Variants in RGS7 observed in about 807,000 individuals in gnomAD.
The protein encoded by RGS7 is regulator of G protein signaling 7, also known as regulator of G-protein signaling 7.
Under a neutral mutation model 81.1 loss-of-function variants are expected in RGS7, and 27 were observed. That is an observed-to-expected ratio of 0.33 (90% CI 0.25 to 0.46). The LOEUF (loss-of-function observed/expected upper bound fraction) is 0.46, where lower values mean the gene tolerates loss of function less well. RGS7 is among the 20% of genes least tolerant of loss of function. The pLI is 1.00. For missense variants in RGS7, 396 were observed against 607.4 expected (o/e 0.65, Z 3.66); for synonymous variants, 208 against 207.7 (o/e 1.00, Z -0.01).
intron 2 of RGS7, among the ~76,000 whole-genome samples, chr1:241,136,664 A>G (rs1314649264): frequency 6.6e-6 from 1 of 152,238 alleles, no homozygotes; most frequent in Non-Finnish European, 1.5e-5. Context: ...TCTTTTGCAG[A>G]GAACAAAGAA....
At chr1:240,849,902 C>G (rs936338074) in intron 9 of RGS7, among the ~76,000 whole-genome samples, 7 of 152,192 alleles carry the variant, frequency 4.6e-5, no homozygotes, top group African/African-American at 1.7e-4. Flanking sequence ...ACCAACCTAA[C>G]AGAGTAATGT....
intron 3 of RGS7, among the ~76,000 whole-genome samples, chr1:241,053,521 CTG>C (rs1387679435): frequency 5.3e-5 from 8 of 152,274 alleles, no homozygotes; most frequent in Non-Finnish European, 7.3e-5. Flanking sequence ...TAATATGACA[CTG>C]TGTCATTTGA....
At chr1:240,863,216 AT>A (rs1356547680) in intron 9 of RGS7, among the ~76,000 whole-genome samples, 1 of 152,136 alleles carries the variant, frequency 6.6e-6, no homozygotes, top group East Asian at 1.9e-4. Context: ...GCTCATGCCT[AT>A]AATCCCAGCA....
At chr1:240,896,162 C>T (rs1463814502) in intron 6 of RGS7, among the ~76,000 whole-genome samples, 1 of 152,122 alleles carries the variant, frequency 6.6e-6, no homozygotes, top group Non-Finnish European at 1.5e-5. Context: ...TGTTTAAGTT[C>T]TTCATAGATT....
At chr1:241,293,257 A>G (rs1573537743) in intron 2 of RGS7, among the ~76,000 whole-genome samples, 1 of 152,242 alleles carries the variant, frequency 6.6e-6, no homozygotes, top group Non-Finnish European at 1.5e-5. Flanking sequence ...AGTGTAGCAC[A>G]TACAATTACA....
chr1:240,819,285 CAG>C (rs1288206545), intron 10 of RGS7, among the ~76,000 whole-genome samples: 1 of 151,994 alleles, frequency 6.6e-6, no homozygotes, highest in Non-Finnish European at 1.5e-5. Flanking sequence ...ATGGTTTTAA[CAG>C]TAAGTTTTTA....
At chr1:241,293,055 G>A (rs541339327) in intron 2 of RGS7, among the ~76,000 whole-genome samples, 4 of 152,268 alleles carry the variant, frequency 2.6e-5, no homozygotes, top group East Asian at 1.9e-4. Flanking sequence ...TTGCACATGC[G>A]GTACATATAA....
chr1:241,128,837 GGT>G (rs1259757593), intron 2 of RGS7, among the ~76,000 whole-genome samples: 2 of 149,580 alleles, frequency 1.3e-5, no homozygotes, highest in Non-Finnish European at 3.0e-5. Flanking sequence ...CATACAAAGG[GGT>G]GATAACTCTT....
intron 2 of RGS7, among the ~76,000 whole-genome samples, chr1:241,173,617 C>T (rs1056597619): frequency 6.6e-5 from 10 of 151,942 alleles, no homozygotes; most frequent in African/African-American, 2.4e-4. Flanking sequence ...AGACCCTGGT[C>T]TTTACAAAAA....
chr1:240,784,971 G>A (rs1206364984), intron 18 of RGS7, among the ~76,000 whole-genome samples: 2 of 152,158 alleles, frequency 1.3e-5, no homozygotes, highest in Non-Finnish European at 2.9e-5. Context: ...ACCAGAGATA[G>A]GGAATGTTTT....
At chr1:241,225,020 G>A (rs555257696) in intron 2 of RGS7, among the ~76,000 whole-genome samples, 71 of 151,994 alleles carry the variant, frequency 4.7e-4, no homozygotes, top group Non-Finnish European at 8.8e-4. Context: ...TTATATAAAT[G>A]TAAGGGATAC....
rs986625948 is a variant in RGS7 at position 240,827,637 on chromosome 1, T to C, written c.610-465A>G. The stretch of plus-strand genomic sequence containing the variant: ...CAGCACTTTGGGAAGCTGAGGTGGG[T>C]GGATCACCTGAGGTAAGGAGTTCGA... On this transcript the variant is annotated intron_variant, in intron 9 of 18. Coordinates refer to ENST00000440928, the MANE Select transcript of RGS7 (RefSeq NM_001364886.1). Among the ~76,000 whole-genome samples, 3 of 151,782 alleles carry C rather than the reference T, an allele frequency of 2.0e-5. No individual in the cohort carries two copies. In the East Asian group the frequency reaches 5.8e-4, roughly 29 times the overall value.
intron 2 of RGS7, among the ~76,000 whole-genome samples, chr1:241,283,510 C>G (rs2078634359): frequency 1.3e-5 from 2 of 152,050 alleles, no homozygotes; most frequent in South Asian, 4.1e-4. Flanking sequence ...TCTAATTTTT[C>G]CCCCAGTAGG....
intron 2 of RGS7, among the ~76,000 whole-genome samples, chr1:241,185,303 C>G (rs2071993377): frequency 6.6e-6 from 1 of 152,076 alleles, no homozygotes; most frequent in South Asian, 2.1e-4. Context: ...AATATGAAAT[C>G]TCTATGACCA....
intron 2 of RGS7, among the ~76,000 whole-genome samples, chr1:241,197,563 T>C (rs1378128264): frequency 1.3e-5 from 2 of 151,574 alleles, no homozygotes; most frequent in South Asian, 4.1e-4. Flanking sequence ...CTAATCAAAG[T>C]ATCTTAATCT....
At chr1:241,100,847 T>G (rs1406317594) in intron 2 of RGS7, among the ~76,000 whole-genome samples, 1 of 152,230 alleles carries the variant, frequency 6.6e-6, no homozygotes, top group Non-Finnish European at 1.5e-5. Context: ...ACCTTCATGT[T>G]TCTTTCCATG....
chr1:241,151,346 A>G (rs981868837), intron 2 of RGS7, among the ~76,000 whole-genome samples: 3 of 152,078 alleles, frequency 2.0e-5, no homozygotes, highest in African/African-American at 7.2e-5. Flanking sequence ...AGAGAGTCAG[A>G]GCAAAGAAAG....
At chr1:240,823,031 G>A in intron 10 of RGS7, 1 of 586,014 alleles carries the variant, frequency 1.7e-6, no homozygotes, top group Non-Finnish European at 3.1e-6. Context: ...AGTTTCAAAT[G>A]TTCTGGTAAA....
At chr1:241,129,268 CA>C (rs1293764553) in intron 2 of RGS7, among the ~76,000 whole-genome samples, 4 of 146,378 alleles carry the variant, frequency 2.7e-5, no homozygotes, top group East Asian at 4.1e-4. Context: ...AACAAACAAA[CA>C]AAAAAAAAAC....
Sources: allele counts gnomAD v4.1 joint callset (sites outside exome capture counted in the v4.1 genomes callset), GRCh38; gene constraint gnomAD v4.1.1; transcripts MANE v1.5; gene names NCBI Gene and HGNC (gene_info 2026-07-23, HGNC 2026-07-21).